Variants in CASZ1 observed in about 807,000 individuals in gnomAD.
CASZ1 encodes zinc finger protein castor homolog 1.
A neutral mutation model predicts 135.2 loss-of-function variants in CASZ1; 28 were observed. The ratio of observed to expected loss-of-function variants is 0.21; its 90% CI spans 0.15 to 0.28. The LOEUF (loss-of-function observed/expected upper bound fraction) is 0.28, where lower values mean the gene tolerates loss of function less well. CASZ1 is among the 10% of genes least tolerant of loss of function. CASZ1 has a pLI of 1.00. For missense variants in CASZ1, 2,161 were observed against 2,453.3 expected, an observed-to-expected ratio of 0.88 and a Z score of 2.52; for synonymous variants, 1,068 against 1,073.4, an observed-to-expected ratio of 0.99 and a Z score of 0.10.
Position 10,646,851 on chromosome 1 carries a change from C to T in CASZ1, c.3498-525G>A, listed in dbSNP as rs1642376837. On this transcript the variant is annotated intron_variant, in intron 16 of 20. Transcript: ENST00000377022. The surrounding 1 kb of genome is among the most constrained non-coding windows in gnomAD (Gnocchi z 6.4). ...CCTGGGGGCTCACAGCTGCTGGGCTCCCCAGGATCAACTCGGGGCCCATGG... is the reference window on the plus strand; with the variant it reads ...CCTGGGGGCTCACAGCTGCTGGGCTTCCCAGGATCAACTCGGGGCCCATGG... Among the ~76,000 whole-genome samples the T allele has an allele frequency of 6.6e-6, 1 of 152,150 alleles. No individual in the cohort carries two copies. Among genetic ancestry groups the T allele is most frequent in the Non-Finnish European group, 1.5e-5 (1 of 68,024 alleles).
chr1:10,688,941 G>C (rs1638679080), intron 4 of CASZ1, among the ~76,000 whole-genome samples: 1 of 152,138 alleles, frequency 6.6e-6, no homozygotes, highest in Non-Finnish European at 1.5e-5. Flanking sequence ...ACCCACGGGC[G>C]GTAATTACTA....
At chr1:10,728,069 C>T (rs1273400208) in intron 2 of CASZ1, among the ~76,000 whole-genome samples, 3 of 152,238 alleles carry the variant, frequency 2.0e-5, no homozygotes, top group African/African-American at 7.2e-5. Context: ...TAGGTCTGCT[C>T]CTTCCCCACA....
At position 10,711,003 on chromosome 1, in the gene CASZ1, C is replaced by T. The variant is rs6669355; in HGVS notation, c.-76-5459G>A. On this transcript the variant is annotated intron_variant, in intron 2 of 20. Transcript: ENST00000377022. The surrounding 1 kb of genome is among the most constrained non-coding windows in gnomAD (Gnocchi z 4.4). ...AATATTAGCCGGGTGTGGTGGTGCA[C>T]GCCTGTAATCCCAGCTACTCGGGAG... 0.13 allele frequency among the ~76,000 whole-genome samples: 19,141 copies of T among 152,134 alleles called. 1,941 individuals carry two copies. Among genetic ancestry groups the T allele is most frequent in the African/African-American group, 0.27 (11,241 of 41,482 alleles).
chr1:10,752,337 G>T lies in CASZ1; in HGVS notation c.-77+8364C>A, dbSNP rs559564328. On this transcript the variant is annotated intron_variant, in intron 2 of 20. Coordinates refer to ENST00000377022, the MANE Select transcript of CASZ1 (RefSeq NM_001079843.3). ...TTCCAAATTACCCCAGAAACTTCAGGTGGCCTCCTCTGGAGAGGCCCCTAG... is the reference window on the plus strand; with the variant it reads ...TTCCAAATTACCCCAGAAACTTCAGTTGGCCTCCTCTGGAGAGGCCCCTAG... Among the ~76,000 whole-genome samples, 14 of 152,278 alleles carry T rather than the reference G, an allele frequency of 9.2e-5. No individual in the cohort carries two copies. In the South Asian group the frequency reaches 2.9e-3, roughly 32 times the overall value.
rs1186419535 is a variant in CASZ1 at position 10,666,615 on chromosome 1, C to T, written c.17-1044G>A. 1.3e-5 allele frequency among the ~76,000 whole-genome samples: 2 copies of T among 152,188 alleles called. No homozygotes were observed. Among genetic ancestry groups the T allele is most frequent in the African/African-American group, 4.8e-5 (2 of 41,456 alleles). ...AATCCCCGAATGTGACAGCCCGACACACACAGCCGGAAGGAAGCCCTCATG... is the reference window on the plus strand; with the variant it reads ...AATCCCCGAATGTGACAGCCCGACATACACAGCCGGAAGGAAGCCCTCATG... On this transcript the variant is annotated intron_variant, in intron 4 of 20. Transcript: ENST00000377022. This position sits in a 1 kb window ranked among gnomAD's most constrained non-coding sequence, Gnocchi z 5.2.
At chr1:10,689,322 T>C (rs566427576) in intron 4 of CASZ1, among the ~76,000 whole-genome samples, 2 of 152,356 alleles carry the variant, frequency 1.3e-5, no homozygotes, top group East Asian at 3.9e-4. Flanking sequence ...TGCCGCTGCG[T>C]GGCTTAGCCC....
chr1:10,753,411 C>T (rs971686656), intron 2 of CASZ1, among the ~76,000 whole-genome samples: 6 of 152,324 alleles, frequency 3.9e-5, no homozygotes, highest in South Asian at 2.1e-4. Context: ...AGCTCACCTG[C>T]GGGGGTCCCC....
At chr1:10,765,196 C>G (rs1200691866) in intron 1 of CASZ1, among the ~76,000 whole-genome samples, 1 of 151,990 alleles carries the variant, frequency 6.6e-6, no homozygotes, top group Non-Finnish European at 1.5e-5. Context: ...CGGGGAGGCG[C>G]CTATCATCTC....
intron 4 of CASZ1, among the ~76,000 whole-genome samples, chr1:10,672,482 G>A (rs1292313665): frequency 2.1e-5 from 3 of 146,238 alleles, no homozygotes; most frequent in East Asian, 2.0e-4. Context: ...CCCTCCGCCC[G>A]CCGGCCCGCC....
At chr1:10,682,647 G>C (rs929143132) in intron 4 of CASZ1, among the ~76,000 whole-genome samples, 2 of 152,224 alleles carry the variant, frequency 1.3e-5, no homozygotes, top group African/African-American at 4.8e-5. Flanking sequence ...CCTGCTGTTT[G>C]TTAACACCTT....
intron 1 of CASZ1, among the ~76,000 whole-genome samples, chr1:10,768,349 C>T (rs1365306271): frequency 6.6e-6 from 1 of 152,166 alleles, no homozygotes; most frequent in Non-Finnish European, 1.5e-5. Context: ...TCCCAAGTAG[C>T]TGGGATTACA....
intron 4 of CASZ1, among the ~76,000 whole-genome samples, chr1:10,683,359 C>T (rs1467770011): frequency 6.6e-6 from 1 of 152,120 alleles, no homozygotes; most frequent in African/African-American, 2.4e-5. Flanking sequence ...TCAATACAGC[C>T]CCCAGCCTAA....
At chr1:10,773,316 A>G (rs1393653491) in intron 1 of CASZ1, among the ~76,000 whole-genome samples, 1 of 150,860 alleles carries the variant, frequency 6.6e-6, no homozygotes, top group African/African-American at 2.4e-5. Context: ...TCCGTTAGGC[A>G]GCCTCGGATC....
In CASZ1 at chr1:10,653,788, C is replaced by A. The variant is rs149552670; in HGVS notation, c.2269G>T (p.Ala757Ser). 277 of 1,609,314 alleles carry A rather than the reference C, an allele frequency of 1.7e-4. 2 individuals carry two copies. The South Asian group carries it at 2.2e-3, about 13-fold the overall frequency. Residue 757 changes from alanine to serine, a missense_variant, in exon 11 of 21, where the codon GCC (alanine) becomes TCC (serine). Coordinates refer to ENST00000377022, the MANE Select transcript of CASZ1 (RefSeq NM_001079843.3). ...GTGGCACTGGGCCCAGCCTCGGTGG[C>A]GGCAGTGGCGGCAGCCAGGGACGCA... is the stretch of plus-strand genomic sequence containing the variant. Reference protein sequence around the residue: ...SSASLAAATAATEAGPSATKP... With the variant: ...SSASLAAATASTEAGPSATKP...
intron 1 of CASZ1, 119 bp downstream of exon 1, chr1:10,796,445 A>G (rs557342465): frequency 1.1e-5 from 1 of 92,046 alleles, no homozygotes; most frequent in Non-Finnish European, 3.1e-5. Context: ...TGCAAGCGGC[A>G]GCCCCGGGGG....
At chr1:10,640,165 G>T in intron 20 of CASZ1, 106 bp from the exon 21 acceptor site, 1 of 1,475,126 alleles carries the variant, frequency 6.8e-7, no homozygotes, top group Non-Finnish European at 9.0e-7. Context: ...CCAGAGGGCG[G>T]CATTTAGGGA....
Position 10,727,296 on chromosome 1 carries a change from C to T in CASZ1, c.-76-21752G>A, listed in dbSNP as rs1639614796. Reference sequence around the variant, plus strand: ...CCTGCTGTTTGAGCCCAGCCCCAGCCCCCACTCCAGGTCATCGGCCATCCA... The same window carrying T: ...CCTGCTGTTTGAGCCCAGCCCCAGCTCCCACTCCAGGTCATCGGCCATCCA... On this transcript the variant is annotated intron_variant, in intron 2 of 20. Transcript: ENST00000377022. This position sits in a 1 kb window ranked among gnomAD's most constrained non-coding sequence, Gnocchi z 5.3. Among the ~76,000 whole-genome samples, 1 of 152,096 alleles carries T rather than the reference C, an allele frequency of 6.6e-6. No homozygotes were observed. Among genetic ancestry groups the T allele is most frequent in the African/African-American group, 2.4e-5 (1 of 41,402 alleles).
rs1468506545 is a variant in CASZ1 at position 10,735,436 on chromosome 1, C to T, written c.-77+25265G>A. 2.6e-5 allele frequency among the ~76,000 whole-genome samples: 4 copies of T among 152,096 alleles called. No individual in the cohort carries two copies. The highest frequency in any genetic ancestry group is 2.1e-4 in the South Asian group (1 of 4,824). On this transcript the variant is annotated intron_variant, in intron 2 of 20. Coordinates refer to ENST00000377022, the MANE Select transcript of CASZ1 (RefSeq NM_001079843.3). This position sits in a 1 kb window ranked among gnomAD's most constrained non-coding sequence, Gnocchi z 5.1. ...GGGACGGGGGACTGGCGGAGTCAGG[C>T]GCCAGGGCTGCCTCCCTCTGCTCCC...
chr1:10,643,522 C>T (rs1370884420), intron 18 of CASZ1, among the ~76,000 whole-genome samples: 1 of 152,228 alleles, frequency 6.6e-6, no homozygotes, highest in Admixed American at 6.5e-5. Context: ...GCCTCCTCTC[C>T]AGCCTGGCAG....
Sources: gnomAD v4.1 joint callset for allele counts (sites outside exome capture counted in the v4.1 genomes callset) on GRCh38, gnomAD v4.1.1 for gene constraint, Gnocchi (gnomAD v3.1) non-coding constraint, MANE v1.5 for transcripts, NCBI Gene and HGNC (gene_info 2026-07-23, HGNC 2026-07-21) for gene names.